The following ODAD4 variants were observed in gnomAD, a reference collection of about 807,000 sequenced individuals.
ODAD4 encodes the protein outer dynein arm-docking complex subunit 4.
Under a neutral mutation model 51.8 loss-of-function variants are expected in ODAD4, and 49 were observed. That is an observed-to-expected ratio of 0.95 (90% CI 0.75 to 1.20). The LOEUF (loss-of-function observed/expected upper bound fraction) is 1.20, where lower values mean the gene tolerates loss of function less well. Among genes scored for constraint, ODAD4 ranks in the 50% most tolerant of loss-of-function variants. The pLI is 0.00. For missense variants in ODAD4, 590 were observed against 586.5 expected (o/e 1.01, Z -0.06); for synonymous variants, 235 against 221.3 (o/e 1.06, Z -0.55).
At position 41,935,780 on chromosome 17, in the gene ODAD4, C is replaced by A. The variant is rs781907769; in HGVS notation, c.397+31C>A. On this transcript the variant is annotated intron_variant, in intron 3 of 11. Coordinates refer to ENST00000377540, the MANE Select transcript of ODAD4 (RefSeq NM_031421.5). The stretch of plus-strand genomic sequence containing the variant: ...TGACCACAGGGCCTATGCCCTTATC[C>A]AGGAAGGTCCTTGGAATCCTTAGGT... The A allele has an allele frequency of 8.7e-6, 14 of 1,611,836 alleles. No homozygotes were observed. The Admixed American group carries it at 2.3e-4, about 27-fold the overall frequency.
chr17:41,930,938 G>A, intron 1 of ODAD4, 101 bp downstream of exon 1: 1 of 664,300 alleles, frequency 1.5e-6, no homozygotes, highest in Non-Finnish European at 2.3e-6. Context: ...TTGTTGCCTA[G>A]GCTGGAGTGC....
chr17:41,958,261 T>C (rs1217072902), intron 10 of ODAD4, among the ~76,000 whole-genome samples: 1 of 152,084 alleles, frequency 6.6e-6, no homozygotes, highest in African/African-American at 2.4e-5. Flanking sequence ...TCACATCAGG[T>C]TTCACAGCCT....
chr17:41,949,490 T>C (rs2050627110), intron 9 of ODAD4, 141 bp downstream of exon 9: 1 of 395,864 alleles, frequency 2.5e-6, no homozygotes. Context: ...TAAGCCACTC[T>C]ATTTTGACCA....
intron 9 of ODAD4, among the ~76,000 whole-genome samples, chr17:41,952,879 CA>C (rs1555640413): frequency 6.6e-6 from 1 of 152,000 alleles, no homozygotes; most frequent in African/African-American, 2.4e-5. Flanking sequence ...GCTGGGACCA[CA>C]GGTGCATGCC....
chr17:41,958,266 C>G (rs1352799029), intron 10 of ODAD4, among the ~76,000 whole-genome samples: 6 of 152,200 alleles, frequency 3.9e-5, no homozygotes, highest in African/African-American at 1.4e-4. Context: ...TCAGGTTTCA[C>G]AGCCTTGATA....
At chr17:41,962,416 G>A (rs2050817346) in intron 11 of ODAD4, among the ~76,000 whole-genome samples, 2 of 152,186 alleles carry the variant, frequency 1.3e-5, no homozygotes, top group Admixed American at 6.5e-5. Context: ...CTCCTTTCCT[G>A]CAGGGAGGGA....
chr17:41,948,261 C>T (rs1157201600), intron 8 of ODAD4, among the ~76,000 whole-genome samples: 1 of 151,752 alleles, frequency 6.6e-6, no homozygotes, highest in East Asian at 1.9e-4. Context: ...TTTTTTCATT[C>T]CAATCTTTTT....
At chr17:41,932,726 CTTTTTTTT>C (rs10712306) in intron 1 of ODAD4, among the ~76,000 whole-genome samples, 28 of 112,052 alleles carry the variant, frequency 2.5e-4, no homozygotes, top group Non-Finnish European at 3.8e-4. Flanking sequence ...TTCTTTTCTT[CTTTTTTTT>C]TTTTTTTTTT....
chr17:41,938,610 A>T lies in ODAD4; in HGVS notation c.679A>T (p.Thr227Ser), dbSNP rs782374013. Residue 227 changes from threonine (T) to serine (S), a missense_variant, in exon 6 of 12, where the codon ACG becomes TCG. Physicochemically the swap from Thr to Ser is moderately conservative, Grantham distance 58. This residue lies in a region of ODAD4 where 360 missense variants were observed against 407.5 expected (regional missense o/e 0.88). Coordinates refer to ENST00000377540, the MANE Select transcript of ODAD4 (RefSeq NM_031421.5). ...GGLTVEDLIMTGINYLDTHSN... is the reference protein window; with the variant it reads ...GGLTVEDLIMSGINYLDTHSN... ...CCTGACTGTGGAGGACCTCATCATGACGGGCATCAACTACCTGGATACTCA... is the reference window on the plus strand; with the variant it reads ...CCTGACTGTGGAGGACCTCATCATGTCGGGCATCAACTACCTGGATACTCA... The T allele has an allele frequency of 6.2e-7, 1 of 1,613,930 alleles. No homozygotes were observed. Among genetic ancestry groups the T allele is most frequent in the Non-Finnish European group, 8.5e-7 (1 of 1,179,884 alleles).
chr17:41,939,155 G>A lies in ODAD4; in HGVS notation c.1041G>A (p.Leu347=). 2 of 1,613,748 alleles carry A rather than the reference G, an allele frequency of 1.2e-6. No individual in the cohort carries two copies. The highest frequency in any genetic ancestry group is 8.5e-7 in the Non-Finnish European group (1 of 1,179,790). ...CCCTGCAGAGCCACAGAAAGGACCT[G>A]GAGATCGCCAAGGAATAGTGAGTGC... ...EAALQSHRKD[L]EIAKEYDLPD... Residue 347 remains leucine (L), a synonymous_variant, in exon 7 of 12, where the codon CTG becomes CTA. Transcript: ENST00000377540.
At chr17:41,934,630 G>A (rs1394416483) in intron 1 of ODAD4, among the ~76,000 whole-genome samples, 1 of 152,134 alleles carries the variant, frequency 6.6e-6, no homozygotes, top group Non-Finnish European at 1.5e-5. Flanking sequence ...GGGATTACAG[G>A]TGTGAGCCAC....
Position 41,930,733 on chromosome 17 carries a change from C to T in ODAD4, c.10C>T (p.Pro4Ser), listed in dbSNP as rs34516580. The T allele has an allele frequency of 0.035, 57,028 of 1,607,620 alleles. 1,205 individuals are homozygous for T. Among genetic ancestry groups the T allele is most frequent in the Non-Finnish European group, 0.04 (47,050 of 1,175,992 alleles). Residue 4 changes from proline to serine, a missense_variant, in exon 1 of 12, where the codon CCC becomes TCC. By Grantham distance (74) the Pro-to-Ser change is moderately conservative (BLOSUM62 -1). Around this residue, in one of 3 missense-constraint regions of ODAD4, gnomAD observed 360 missense variants for 407.5 expected, o/e 0.88. Coordinates refer to ENST00000377540, the MANE Select transcript of ODAD4 (RefSeq NM_031421.5). MSDPEGETLRSTFP... is the reference protein window; with the variant it reads MSDSEGETLRSTFP... ...TCTAAATCCGGTCACCATGTCGGAC[C>T]CCGAAGGCGAGACCTTGCGAAGCAC...
Position 41,935,320 on chromosome 17 carries a change from C to A in ODAD4, c.218C>A (p.Ser73Ter). Reference sequence around the variant, plus strand: ...AGATCCCTGAAGGATGCTGAGGCTTCGCTCCAGAGTGACCCAGCTTTCTGT... The same window carrying A: ...AGATCCCTGAAGGATGCTGAGGCTTAGCTCCAGAGTGACCCAGCTTTCTGT... Reference protein sequence around the residue: ...LERSLKDAEASLQSDPAFCKG... With the variant: ...LERSLKDAEA Residue 73 changes from serine to a stop codon, truncating the protein, a stop_gained, in exon 2 of 12, where the codon TCG becomes TAG. Coordinates refer to ENST00000377540, the MANE Select transcript of ODAD4 (RefSeq NM_031421.5). LOFTEE classifies it high-confidence loss of function. 6.2e-7 allele frequency: 1 copy of A among 1,613,936 alleles called. No homozygotes were observed. The highest frequency in any genetic ancestry group is 8.5e-7 in the Non-Finnish European group (1 of 1,179,876).
Position 41,965,396 on chromosome 17 carries a change from A to G in ODAD4, c.1932A>G (p.Arg644=), listed in dbSNP as rs576999437. 6.4e-6 allele frequency: 5 copies of G among 780,318 alleles called. No individual in the cohort carries two copies. The East Asian group carries it at 9.7e-5, about 15-fold the overall frequency. The allele number at this position is 780,318 out of a possible 1,614,324, so 48.3% of individuals were successfully genotyped here. A position where few individuals can be genotyped will look rare whatever the true frequency, so the allele number is the denominator to read the frequency against. ...AGAAACTTTCAGAAGTGGGCAGAAG[A>G]GAGCCAGAAGAACTGGGAAAAACAC... is the stretch of plus-strand genomic sequence containing the variant. ...ELKKLSEVGR[R]EPEELGKTQF... is the part of the protein sequence containing the mutation. Residue 644 remains arginine, a synonymous_variant, in exon 12 of 12, where the codon AGA becomes AGG. Coordinates refer to ENST00000377540, the MANE Select transcript of ODAD4 (RefSeq NM_031421.5).
At chr17:41,935,796 A>C (rs373495177) in intron 3 of ODAD4, 47 bp downstream of exon 3, 126 of 1,606,970 alleles carry the variant, frequency 7.8e-5, no homozygotes, top group Non-Finnish European at 9.6e-5. Flanking sequence ...GGTCCTTGGA[A>C]TCCTTAGGTT....
intron 1 of ODAD4, 82 bp from the exon 2 acceptor site, chr17:41,935,135 G>T: frequency 5.2e-6 from 8 of 1,537,990 alleles, no homozygotes; most frequent in Non-Finnish European, 7.1e-6. Flanking sequence ...CCCCTCTGCA[G>T]GAGGGTTTGG....
chr17:41,955,350 C>T (rs1555640862), intron 10 of ODAD4, 33 bp downstream of exon 10: 3 of 752,962 alleles, frequency 4.0e-6, no homozygotes, highest in Non-Finnish European at 7.4e-6. Flanking sequence ...CTTCGGGTGT[C>T]AGGAGTGGGG....
intron 7 of ODAD4, among the ~76,000 whole-genome samples, chr17:41,941,905 A>G (rs2050512505): frequency 6.6e-6 from 1 of 152,198 alleles, no homozygotes; most frequent in Admixed American, 6.6e-5. Flanking sequence ...TATTCCCAGC[A>G]TCTGCCACAC....
At chr17:41,934,752 A>G (rs546644210) in intron 1 of ODAD4, among the ~76,000 whole-genome samples, 1 of 152,318 alleles carries the variant, frequency 6.6e-6, no homozygotes, top group South Asian at 2.1e-4. Flanking sequence ...CACATGGCAG[A>G]TTGTCCTCAA....
Sources: gnomAD v4.1 joint callset for allele counts (sites outside exome capture counted in the v4.1 genomes callset) on GRCh38, gnomAD v4.1.1 for gene constraint, gnomAD v4.1.1 regional missense constraint, MANE v1.5 for transcripts, NCBI Gene and HGNC (gene_info 2026-07-23, HGNC 2026-07-21) for gene names.